Variants in DSCAM observed in about 807,000 individuals in gnomAD.
DSCAM encodes the protein DS cell adhesion molecule, also known as cell adhesion molecule DSCAM.
DSCAM carries 47 observed loss-of-function variants against 217.7 expected under a neutral mutation model. That is an observed-to-expected ratio of 0.22 (90% CI 0.17 to 0.28). The LOEUF (loss-of-function observed/expected upper bound fraction) is 0.28. DSCAM is among the 10% of genes least tolerant of loss of function. DSCAM has a pLI of 1.00. For missense variants in DSCAM, 2,080 were observed against 2,618.3 expected, an observed-to-expected ratio of 0.79 and a Z score of 4.49; for synonymous variants, 1,056 against 1,015.3, an observed-to-expected ratio of 1.04 and a Z score of -0.76.
chr21:40,628,115 T>C (rs758251497), intron 3 of DSCAM, among the ~76,000 whole-genome samples: 4 of 152,206 alleles, frequency 2.6e-5, no homozygotes, highest in Non-Finnish European at 4.4e-5. Context: ...TTTGTCTTTG[T>C]AGACAGAAAA....
At chr21:40,422,851 G>A (rs1448115502) in intron 3 of DSCAM, among the ~76,000 whole-genome samples, 1 of 152,156 alleles carries the variant, frequency 6.6e-6, no homozygotes, top group East Asian at 1.9e-4. Flanking sequence ...TTCCATCAAT[G>A]TAATAGGTAA....
intron 15 of DSCAM, among the ~76,000 whole-genome samples, chr21:40,173,354 ATTCCAGAACTG>A (rs1255147994): frequency 6.6e-6 from 1 of 152,194 alleles, no homozygotes; most frequent in Non-Finnish European, 1.5e-5. Flanking sequence ...ATTTCAGAAC[ATTCCAGAACTG>A]TTCCAGAACC....
chr21:40,485,799 TTATTA>T, intron 3 of DSCAM, among the ~76,000 whole-genome samples: 1 of 152,122 alleles, frequency 6.6e-6, no homozygotes, highest in South Asian at 2.1e-4. Context: ...ATATTGTATG[TTATTA>T]TATATTTATA....
In DSCAM at chr21:40,369,104, AC is replaced by A; in HGVS notation, c.649del (p.Val217TyrfsTer43). On this transcript the variant is annotated frameshift_variant, in exon 4 of 33. Transcript: ENST00000400454. LOFTEE classifies it high-confidence loss of function. ...GAGTCTTGATAAGTTTTTACCTGAT[AC>A]AAAAAGTCTGGCGCTGTTGCTCTGC... ...TRQSNSARLF[V>X]SDPANSAPSI... is the part of the protein sequence containing the mutation. The A allele has an allele frequency of 6.2e-7, 1 of 1,607,620 alleles. No individual in the cohort carries two copies. Among genetic ancestry groups the A allele is most frequent in the Non-Finnish European group, 8.5e-7 (1 of 1,177,432 alleles).
At chr21:40,579,825 A>C (rs541274369) in intron 3 of DSCAM, among the ~76,000 whole-genome samples, 14 of 113,116 alleles carry the variant, frequency 1.2e-4, no homozygotes, top group African/African-American at 4.1e-4. Flanking sequence ...TCAGACCTTC[A>C]CCACAAAAAA....
intron 1 of DSCAM, 109 bp from the exon 2 acceptor site, chr21:40,708,880 A>G: frequency 7.6e-6 from 6 of 791,124 alleles, no homozygotes; most frequent in Non-Finnish European, 1.1e-5. Flanking sequence ...CATGAGGCGC[A>G]GGCTCAAATA....
At chr21:40,799,266 T>A (rs991380288) in intron 1 of DSCAM, among the ~76,000 whole-genome samples, 1 of 152,200 alleles carries the variant, frequency 6.6e-6, no homozygotes, top group African/African-American at 2.4e-5. Flanking sequence ...CTCTCTAATT[T>A]GAATCTATAT....
chr21:40,637,626 T>TAA (rs1312178363), intron 3 of DSCAM, among the ~76,000 whole-genome samples: 1,650 of 35,636 alleles, frequency 0.046, 59 homozygotes, highest in Admixed American at 0.073. Context: ...AATATATACA[T>TAA]ATATAAATAT....
At chr21:40,827,024 AAG>A (rs1416162523) in intron 1 of DSCAM, among the ~76,000 whole-genome samples, 1 of 151,968 alleles carries the variant, frequency 6.6e-6, no homozygotes, top group East Asian at 1.9e-4. Context: ...AGGAGAGGAG[AAG>A]AGAGGGGTAA....
At chr21:40,221,906 C>A (rs1047413331) in intron 11 of DSCAM, among the ~76,000 whole-genome samples, 1 of 152,168 alleles carries the variant, frequency 6.6e-6, no homozygotes, top group African/African-American at 2.4e-5. Flanking sequence ...ACATACAAAG[C>A]ACCTGTGTGT....
intron 3 of DSCAM, among the ~76,000 whole-genome samples, chr21:40,388,392 A>G (rs1311338139): frequency 6.6e-6 from 1 of 152,232 alleles, no homozygotes; most frequent in Non-Finnish European, 1.5e-5. Flanking sequence ...AGCAGATGGT[A>G]TCATGAAGTC....
intron 3 of DSCAM, among the ~76,000 whole-genome samples, chr21:40,669,585 TA>T (rs1568974147): frequency 8.6e-3 from 240 of 28,054 alleles, no homozygotes; most frequent in African/African-American, 0.024. Flanking sequence ...AATGTTGTTA[TA>T]TATATTTTTT....
At chr21:40,652,284 C>T (rs2090022854) in intron 3 of DSCAM, among the ~76,000 whole-genome samples, 1 of 151,408 alleles carries the variant, frequency 6.6e-6, no homozygotes, top group Non-Finnish European at 1.5e-5. Context: ...CAAACCTGCA[C>T]ATCCTGCACA....
At chr21:40,088,382 TGGAA>T (rs2089561424) in intron 21 of DSCAM, among the ~76,000 whole-genome samples, 3 of 152,280 alleles carry the variant, frequency 2.0e-5, no homozygotes, top group Admixed American at 6.5e-5. Context: ...CTAGAATCCC[TGGAA>T]GGGCAGAGTA....
chr21:40,463,946 TA>T (rs1018782941), intron 3 of DSCAM, among the ~76,000 whole-genome samples: 1 of 152,206 alleles, frequency 6.6e-6, no homozygotes, highest in Non-Finnish European at 1.5e-5. Context: ...AATCCCCCTC[TA>T]ACCTCTCACC....
At chr21:40,627,212 T>C (rs925001456) in intron 3 of DSCAM, among the ~76,000 whole-genome samples, 3 of 152,066 alleles carry the variant, frequency 2.0e-5, no homozygotes, top group Non-Finnish European at 2.9e-5. Flanking sequence ...CTGTGGCAAA[T>C]AGAAGTGAAT....
At chr21:40,402,939 A>G (rs374117997) in intron 3 of DSCAM, among the ~76,000 whole-genome samples, 8 of 151,836 alleles carry the variant, frequency 5.3e-5, no homozygotes, top group East Asian at 3.9e-4. Flanking sequence ...ATGAATTAAC[A>G]CAATTGAGAA....
chr21:40,093,823 T>C lies in DSCAM; in HGVS notation c.3748A>G (p.Asn1250Asp). The C allele has an allele frequency of 6.2e-7, 1 of 1,613,976 alleles. No individual in the cohort carries two copies. Among genetic ancestry groups the C allele is most frequent in the Non-Finnish European group, 8.5e-7 (1 of 1,179,960 alleles). Residue 1250 changes from asparagine (N) to aspartate (D), a missense_variant, in exon 21 of 33, where the codon AAC (asparagine) becomes GAC (aspartate). Coordinates refer to ENST00000400454, the MANE Select transcript of DSCAM (RefSeq NM_001389.5). ...SPDSFSYRIP[N>D]LSRNRQYSVW... Reference sequence around the variant, plus strand: ...CTGTACTGACGATTCCTACTCAGGTTGGGAATTCTGTAGGAAAACGAGTCG... The same window carrying C: ...CTGTACTGACGATTCCTACTCAGGTCGGGAATTCTGTAGGAAAACGAGTCG...
chr21:40,181,205 T>C (rs2090796490), intron 14 of DSCAM, among the ~76,000 whole-genome samples: 1 of 141,086 alleles, frequency 7.1e-6, no homozygotes, highest in South Asian at 2.4e-4. Context: ...GGGTCAATGG[T>C]GCATTCTTCC....
Sources: gnomAD v4.1 joint callset for allele counts (sites outside exome capture counted in the v4.1 genomes callset) on GRCh38, gnomAD v4.1.1 for gene constraint, MANE v1.5 for transcripts, NCBI Gene and HGNC (gene_info 2026-07-23, HGNC 2026-07-21) for gene names.